Variants in CYP4B1 observed in about 807,000 individuals in gnomAD.
The protein encoded by CYP4B1 is cytochrome P450 4B1.
Under a neutral mutation model 54.0 loss-of-function variants are expected in CYP4B1, and 45 were observed. The ratio of observed to expected loss-of-function variants is 0.83; its 90% CI spans 0.66 to 1.07. The LOEUF (loss-of-function observed/expected upper bound fraction) is 1.07. Ranked by LOEUF, CYP4B1 falls within the 50% of genes least tolerant of loss-of-function variation. CYP4B1 has a pLI of 0.00. For synonymous variants in CYP4B1, 248 were observed against 247.5 expected, an observed-to-expected ratio of 1.00 and a Z score of -0.02; for missense variants, 656 against 655.4, an observed-to-expected ratio of 1.00 and a Z score of -0.01.
Position 46,799,271 on chromosome 1 carries a change from G to C in CYP4B1, c.180+10G>C. 6.4e-7 allele frequency: 1 copy of C among 1,572,478 alleles called. No homozygotes were observed. Among genetic ancestry groups the C allele is most frequent in the Non-Finnish European group, 8.6e-7 (1 of 1,157,940 alleles). On this transcript the variant is annotated intron_variant, in intron 1 of 11. Transcript: ENST00000371923. Reference sequence around the variant, plus strand: ...TGGACATGCCCTCGAGGTATGTGGAGGTCGGGAGGGTGGGGGAGAAAGAAA... The same window carrying C: ...TGGACATGCCCTCGAGGTATGTGGACGTCGGGAGGGTGGGGGAGAAAGAAA...
In CYP4B1 at chr1:46,810,831, C is replaced by T. The variant is rs182059990; in HGVS notation, c.204C>T (p.Asp68=). 7 of 1,614,176 alleles carry T rather than the reference C, an allele frequency of 4.3e-6. No homozygotes were observed. The East Asian group carries it at 6.7e-5, about 15-fold the overall frequency. The part of the protein sequence containing the change: ...ALEIQETGSL[D]KVVSWAHQFP... ...AGATCCAGGAGACGGGGAGCCTGGACAAAGTGGTGTCCTGGGCCCACCAGT... is the reference window on the plus strand; with the variant it reads ...AGATCCAGGAGACGGGGAGCCTGGATAAAGTGGTGTCCTGGGCCCACCAGT... Residue 68 remains aspartate, a synonymous_variant, in exon 2 of 12, where the codon GAC becomes GAT. Coordinates refer to ENST00000371923, the MANE Select transcript of CYP4B1 (RefSeq NM_001099772.2).
rs45464595 is a variant in CYP4B1 at position 46,803,977 on chromosome 1, G to A, written c.180+4716G>A. 5.2e-3 allele frequency among the ~76,000 whole-genome samples: 792 copies of A among 152,040 alleles called. 12 individuals are homozygous for A. In the East Asian group the frequency reaches 0.057, roughly 11 times the overall value. Reference sequence around the variant, plus strand: ...ATGCTGGGTCTGAAGAATCTGGAGGGTGTCATGCAGAGAGTTCCGGGGGTT... The same window carrying A: ...ATGCTGGGTCTGAAGAATCTGGAGGATGTCATGCAGAGAGTTCCGGGGGTT... On this transcript the variant is annotated intron_variant, in intron 1 of 11. Coordinates refer to ENST00000371923, the MANE Select transcript of CYP4B1 (RefSeq NM_001099772.2).
Position 46,813,569 on chromosome 1 carries a change from T to C in CYP4B1, c.583T>C (p.Cys195Arg). ...GHMALNTLMK[C>R]TFGRGDTGLG... ...CATGGCGCTGAACACACTCATGAAG[T>C]GCACCTTTGGAAGAGGAGACACCGG... The change falls in exon 5 of 12, where the codon TGC becomes CGC. Residue 195 changes from cysteine (C) to arginine (R), a missense_variant. Physicochemically the swap from Cys to Arg is radical, Grantham distance 180. Transcript: ENST00000371923. The C allele has an allele frequency of 6.2e-7, 1 of 1,614,126 alleles. No individual in the cohort carries two copies. The highest frequency in any genetic ancestry group is 1.1e-5 in the South Asian group (1 of 91,078).
At chr1:46,811,875 C>G (rs987366994) in intron 3 of CYP4B1, among the ~76,000 whole-genome samples, 1 of 152,164 alleles carries the variant, frequency 6.6e-6, no homozygotes, top group Non-Finnish European at 1.5e-5. Flanking sequence ...AACACATTCC[C>G]AATCCTATTT....
chr1:46,816,434 A>T (rs1290027200), intron 8 of CYP4B1, among the ~76,000 whole-genome samples: 1 of 152,188 alleles, frequency 6.6e-6, no homozygotes, highest in Non-Finnish European at 1.5e-5. Context: ...GAAGCAACTT[A>T]GAGGACAGTT....
chr1:46,805,648 T>C (rs1232163115), intron 1 of CYP4B1, among the ~76,000 whole-genome samples: 2 of 152,270 alleles, frequency 1.3e-5, no homozygotes, highest in African/African-American at 4.8e-5. Flanking sequence ...AGGCTCTCCA[T>C]GGCTCTGTTC....
chr1:46,812,039 A>C, intron 3 of CYP4B1: 1 of 385,576 alleles, frequency 2.6e-6, no homozygotes, highest in South Asian at 1.9e-5. Flanking sequence ...GGTGTGTTGG[A>C]GTGGGGTAGG....
chr1:46,805,970 C>T (rs1301023513), intron 1 of CYP4B1, among the ~76,000 whole-genome samples: 1 of 152,220 alleles, frequency 6.6e-6, no homozygotes, highest in Non-Finnish European at 1.5e-5. Context: ...AATTCCCAAT[C>T]CCTGCAGGAC....
intron 1 of CYP4B1, among the ~76,000 whole-genome samples, chr1:46,803,973 G>A (rs781465929): frequency 3.9e-5 from 6 of 151,984 alleles, no homozygotes; most frequent in Non-Finnish European, 7.3e-5. Context: ...GAAGAATCTG[G>A]AGGGTGTCAT....
rs768653507 is a variant in CYP4B1 at position 46,799,233 on chromosome 1, C to G, written c.152C>G (p.Thr51Ser). 1 of 1,600,916 alleles carries G rather than the reference C, an allele frequency of 6.2e-7. No homozygotes were observed. Among genetic ancestry groups the G allele is most frequent in the South Asian group, 1.1e-5 (1 of 88,704 alleles). The change falls in exon 1 of 12, where the codon ACC becomes AGC. Residue 51 changes from threonine (T) to serine (S), a missense_variant. Coordinates refer to ENST00000371923, the MANE Select transcript of CYP4B1 (RefSeq NM_001099772.2). Reference protein sequence around the residue: ...KAMDKFPGPPTHWLFGHALEI... With the variant: ...KAMDKFPGPPSHWLFGHALEI... ...ATGGACAAATTCCCAGGGCCTCCCA[C>G]CCACTGGCTTTTTGGACATGCCCTC...
At chr1:46,814,412 C>CT in intron 7 of CYP4B1, 97 bp downstream of exon 7, 1 of 857,216 alleles carries the variant, frequency 1.2e-6, no homozygotes, top group Non-Finnish European at 1.8e-6. Flanking sequence ...AAGCATTTCC[C>CT]CCTTTCCTCA....
chr1:46,818,309 A>C, intron 11 of CYP4B1, 96 bp downstream of exon 11: 1 of 1,157,302 alleles, frequency 8.6e-7, no homozygotes, highest in South Asian at 1.3e-5. Context: ...CTCTGAATAA[A>C]GGGGAATCAT....
chr1:46,799,179 T>C lies in CYP4B1; in HGVS notation c.98T>C (p.Leu33Pro). The C allele has an allele frequency of 6.2e-7, 1 of 1,612,416 alleles. No homozygotes were observed. The highest frequency in any genetic ancestry group is 8.5e-7 in the Non-Finnish European group (1 of 1,179,332). The change falls in exon 1 of 12, where the codon CTG (leucine) becomes CCG (proline). Residue 33 changes from leucine to proline, a missense_variant. By Grantham distance (98) the Leu-to-Pro change is moderately conservative (BLOSUM62 -3). Coordinates refer to ENST00000371923, the MANE Select transcript of CYP4B1 (RefSeq NM_001099772.2). Reference sequence around the variant, plus strand: ...GGCTTTCTCAAGCTCATCCACCTGCTGCTGCGGAGGCAGACGTTGGCTAAG... The same window carrying C: ...GGCTTTCTCAAGCTCATCCACCTGCCGCTGCGGAGGCAGACGTTGGCTAAG... ...VLGFLKLIHL[L>P]LRRQTLAKAM...
rs1290569881 is a variant in CYP4B1, at chr1:46,814,066, G to A, written c.775+3G>A. Reference sequence around the variant, plus strand: ...CCAGGTGGCCCATGACCATACAGGTGGGCCTTTCCCACAAGGCTCACCTCT... The same window carrying A: ...CCAGGTGGCCCATGACCATACAGGTAGGCCTTTCCCACAAGGCTCACCTCT... On this transcript the variant is annotated splice_donor_region_variant and intron_variant, in intron 6 of 11. Transcript: ENST00000371923. The A allele has an allele frequency of 6.2e-7, 1 of 1,613,800 alleles. No individual in the cohort carries two copies. Among genetic ancestry groups the A allele is most frequent in the Non-Finnish European group, 8.5e-7 (1 of 1,179,942 alleles).
At position 46,818,829 on chromosome 1, in the gene CYP4B1, G is replaced by A; in HGVS notation, c.*15G>A. Reference sequence around the variant, plus strand: ...CTGGGAAGTAGCTCTGATGAGAATGGGGTCCCAGATGGCTCAGGCTGTGAC... The same window carrying A: ...CTGGGAAGTAGCTCTGATGAGAATGAGGTCCCAGATGGCTCAGGCTGTGAC... On this transcript the variant is annotated 3_prime_UTR_variant, in exon 12 of 12. Transcript: ENST00000371923. The A allele has an allele frequency of 6.2e-7, 1 of 1,613,646 alleles. No individual in the cohort carries two copies. The highest frequency in any genetic ancestry group is 8.5e-7 in the Non-Finnish European group (1 of 1,179,774).
At chr1:46,799,350 G>A (rs945368060) in intron 1 of CYP4B1, 89 bp downstream of exon 1, 2 of 1,272,412 alleles carry the variant, frequency 1.6e-6, no homozygotes, top group Non-Finnish European at 1.1e-6. Context: ...GCTGTGGAGG[G>A]AGACTTCAAA....
intron 1 of CYP4B1, among the ~76,000 whole-genome samples, chr1:46,801,196 G>A (rs1181833257): frequency 6.6e-6 from 1 of 152,126 alleles, no homozygotes; most frequent in Non-Finnish European, 1.5e-5. Flanking sequence ...AAAAGCAAAG[G>A]GACCAGGAGG....
chr1:46,810,609 C>A (rs540281443), intron 1 of CYP4B1, among the ~76,000 whole-genome samples, 199 bp from the exon 2 acceptor site: 1 of 152,046 alleles, frequency 6.6e-6, no homozygotes, highest in East Asian at 1.9e-4. Flanking sequence ...GAGAAGAGGG[C>A]GGCTTGGAAT....
chr1:46,814,385 C>T (rs547157011), intron 7 of CYP4B1, 70 bp downstream of exon 7: 54 of 1,128,646 alleles, frequency 4.8e-5, no homozygotes, highest in Non-Finnish European at 6.3e-5. Flanking sequence ...CCTCCCAGGA[C>T]AGCAGAAGGA....
Sources: allele counts gnomAD v4.1 joint callset (sites outside exome capture counted in the v4.1 genomes callset), GRCh38; gene constraint gnomAD v4.1.1; transcripts MANE v1.5; gene names NCBI Gene and HGNC (gene_info 2026-07-23, HGNC 2026-07-21).